Variants in CD276 observed in about 807,000 individuals in gnomAD.
The protein encoded by CD276 is CD276 antigen.
In CD276, 34 loss-of-function variants were observed where a neutral mutation model predicts 50.0. The ratio of observed to expected loss-of-function variants is 0.68; its 90% CI spans 0.52 to 0.91. The LOEUF (loss-of-function observed/expected upper bound fraction) is 0.91, where lower values mean the gene tolerates loss of function less well. Among genes scored for constraint, CD276 ranks in the 40% least tolerant of loss-of-function variants. CD276 has a pLI of 0.00. For missense variants in CD276, 634 were observed against 717.5 expected (o/e 0.88, Z 1.33); for synonymous variants, 275 against 313.0 (o/e 0.88, Z 1.28).
In CD276 at chr15:73,713,805, C is replaced by G. The variant is rs769617314; in HGVS notation, c.*849C>G. The G allele has an allele frequency of 1.3e-4, 56 of 442,124 alleles. No homozygotes were observed. The highest frequency in any genetic ancestry group is 1.2e-4 in the Non-Finnish European group (27 of 221,420). The allele number at this position is 442,124 out of a possible 1,614,324, so 27.4% of individuals were successfully genotyped here. A position where few individuals can be genotyped will look rare whatever the true frequency, so the allele number is the denominator to read the frequency against. On this transcript the variant is annotated 3_prime_UTR_variant, in exon 10 of 10. Coordinates refer to ENST00000318443, the MANE Select transcript of CD276 (RefSeq NM_001024736.2). ...GTCAGCTTCTGTCCCTCTGCCTTCT[C>G]ACCTCTTTGTTCCTTTCTTTTCATG...
intron 7 of CD276, among the ~76,000 whole-genome samples, chr15:73,709,255 G>A (rs527471064): frequency 2.0e-4 from 31 of 152,240 alleles, no homozygotes; most frequent in African/African-American, 7.5e-4. Context: ...ATGGTCTTTG[G>A]CTGGGTGTGT....
intron 1 of CD276, among the ~76,000 whole-genome samples, chr15:73,688,411 C>G (rs1596001275): frequency 1.3e-5 from 2 of 152,076 alleles, no homozygotes; most frequent in African/African-American, 4.8e-5. Context: ...GATTGTTACC[C>G]CCATTTTAGA....
chr15:73,690,679 T>C (rs1023585804), intron 1 of CD276: 7 of 455,880 alleles, frequency 1.5e-5, no homozygotes, highest in Non-Finnish European at 3.1e-5. Flanking sequence ...AGGCCCCACC[T>C]CTTAATACTG....
At position 73,713,702 on chromosome 15, in the gene CD276, C is replaced by T. The variant is rs2141442129; in HGVS notation, c.*746C>T. The T allele has an allele frequency of 4.7e-6, 2 of 424,338 alleles. No homozygotes were observed. The highest frequency in any genetic ancestry group is 1.8e-4 in the East Asian group (2 of 11,102). 26.3% of individuals were successfully genotyped at this position (424,338 alleles called of 1,614,324 possible). ...GCCCAGCCTCCTCTGCAGTGCCCCT[C>T]TCCCCTGCCCATCCTCCCCACGGAA... On this transcript the variant is annotated 3_prime_UTR_variant, in exon 10 of 10. Transcript: ENST00000318443.
chr15:73,705,650 G>A (rs1286231071), intron 6 of CD276, among the ~76,000 whole-genome samples: 1 of 152,100 alleles, frequency 6.6e-6, no homozygotes, highest in East Asian at 1.9e-4. Context: ...ATATGGTTTG[G>A]TGGTGAAAAT....
intron 6 of CD276, among the ~76,000 whole-genome samples, chr15:73,705,673 C>A (rs11574485): frequency 0.19 from 28,654 of 151,692 alleles, 3,958 homozygotes; most frequent in African/African-American, 0.39. Context: ...TGTTCACAGG[C>A]GAAAAGAAGA....
At chr15:73,695,380 G>A (rs550359259) in intron 1 of CD276, among the ~76,000 whole-genome samples, 137 of 152,202 alleles carry the variant, frequency 9.0e-4, no homozygotes, top group African/African-American at 2.6e-3. Context: ...TTCCCAGCGC[G>A]GCTACCTGGG....
Position 73,703,959 on chromosome 15 carries a change from G to A in CD276, c.1034G>A (p.Arg345Gln), listed in dbSNP as rs943925889. ...AGCTTCACCTGCTTCGTGAGCATCC[G>A]GGATTTCGGCAGCGCTGCCGTCAGC... Reference protein sequence around the residue: ...EGSFTCFVSIRDFGSAAVSLQ... With the variant: ...EGSFTCFVSIQDFGSAAVSLQ... Residue 345 changes from arginine to glutamine, a missense_variant, in exon 5 of 10, where the codon CGG becomes CAG. Arg to Gln is a conservative substitution (Grantham distance 43). Transcript: ENST00000318443. 4.3e-6 allele frequency: 7 copies of A among 1,612,080 alleles called. No homozygotes were observed. The highest frequency in any genetic ancestry group is 5.1e-6 in the Non-Finnish European group (6 of 1,179,812).
At chr15:73,686,380 C>G in intron 1 of CD276, 1 of 756,146 alleles carries the variant, frequency 1.3e-6, no homozygotes, top group Non-Finnish European at 1.6e-6. Flanking sequence ...CCTTCCTGTC[C>G]CCTCTTCAGC....
intron 1 of CD276, among the ~76,000 whole-genome samples, chr15:73,693,087 C>A (rs1228619213): frequency 1.3e-5 from 2 of 152,208 alleles, no homozygotes; most frequent in Admixed American, 6.5e-5. Flanking sequence ...GGTAGGAACA[C>A]TCCTAACCCC....
chr15:73,700,873 G>C (rs1222074660), intron 2 of CD276, among the ~76,000 whole-genome samples: 1 of 5,560 alleles, frequency 1.8e-4, no homozygotes, highest in Non-Finnish European at 5.0e-4. Flanking sequence ...CAGGGTGGGG[G>C]GGTTCGCTTC....
intron 1 of CD276, among the ~76,000 whole-genome samples, chr15:73,694,450 GGT>G (rs138205113): frequency 0.022 from 3,368 of 152,258 alleles, 137 homozygotes; most frequent in African/African-American, 0.077. Context: ...GGAAAGTAAG[GGT>G]GGGATGGCTC....
At chr15:73,685,021 C>T in intron 1 of CD276, 1 of 152,436 alleles carries the variant, frequency 6.6e-6, no homozygotes, top group Non-Finnish European at 1.5e-5. Flanking sequence ...AAGGTGTGGG[C>T]GACTGGTGCA....
chr15:73,683,989 T>C (rs1433517748), upstream of CD276: 1 of 152,194 alleles, frequency 6.6e-6, no homozygotes, highest in African/African-American at 2.4e-5. Context: ...GGTGCCAGCA[T>C]GGTGTGGAGG....
In CD276 at chr15:73,708,338, G is replaced by C. The variant is rs774121373; in HGVS notation, c.1370-1G>C. 153 of 1,613,738 alleles carry C rather than the reference G, an allele frequency of 9.5e-5. No individual in the cohort carries two copies. Among genetic ancestry groups the C allele is most frequent in the Non-Finnish European group, 1.3e-4 (150 of 1,179,926 alleles). On this transcript the variant is annotated splice_acceptor_variant, in intron 6 of 9. Coordinates refer to ENST00000318443, the MANE Select transcript of CD276 (RefSeq NM_001024736.2). LOFTEE classifies it high-confidence loss of function. ...CTCACTGTTGCTACTTTTCCTCTCAGGGCAGCCTATGACATTCCCCCCAGA... is the reference window on the plus strand; with the variant it reads ...CTCACTGTTGCTACTTTTCCTCTCACGGCAGCCTATGACATTCCCCCCAGA...
intron 2 of CD276, among the ~76,000 whole-genome samples, chr15:73,700,507 T>C (rs1324291711): frequency 2.6e-5 from 4 of 152,278 alleles, no homozygotes; most frequent in African/African-American, 9.6e-5. Context: ...GAAAGGGTTT[T>C]GTCTGGGTGA....
rs3825859 is a variant in CD276, at chr15:73,709,665, G to T, written c.1522G>T (p.Gly508Trp). The change falls in exon 8 of 10, where the codon GGG becomes TGG. Residue 508 changes from glycine to tryptophan, a missense_variant. Gly to Trp is a radical substitution (Grantham distance 184). Coordinates refer to ENST00000318443, the MANE Select transcript of CD276 (RefSeq NM_001024736.2). ...CTTTGCAGGAGCTGAGGACCAGGATGGGGAGGGAGAAGGCTCCAAGACAGG... is the reference window on the plus strand; with the variant it reads ...CTTTGCAGGAGCTGAGGACCAGGATTGGGAGGGAGAAGGCTCCAAGACAGG... Reference protein sequence around the residue: ...EENAGAEDQDGEGEGSKTALQ... With the variant: ...EENAGAEDQDWEGEGSKTALQ... The T allele has an allele frequency of 1.2e-6, 2 of 1,611,608 alleles. No homozygotes were observed. Among genetic ancestry groups the T allele is most frequent in the Admixed American group, 3.4e-5 (2 of 59,566 alleles).
rs141658038 is a variant in CD276 at position 73,704,220 on chromosome 15, C to T, written c.1117C>T (p.Leu373=). 2 of 1,613,994 alleles carry T rather than the reference C, an allele frequency of 1.2e-6. No individual in the cohort carries two copies. Among genetic ancestry groups the T allele is most frequent in the Non-Finnish European group, 1.7e-6 (2 of 1,180,018 alleles). ...PSMTLEPNKD[L]RPGDTVTITC... ...CATGACCCTGGAGCCCAACAAGGAC[C>T]TGCGGCCAGGGGACACGGTGACCAT... is the stretch of plus-strand genomic sequence containing the variant. Residue 373 remains leucine, a synonymous_variant, in exon 6 of 10, where the codon CTG becomes TTG. Coordinates refer to ENST00000318443, the MANE Select transcript of CD276 (RefSeq NM_001024736.2). This position sits in a 1 kb window ranked among gnomAD's most constrained non-coding sequence, Gnocchi z 4.1.
At chr15:73,702,226 T>G in intron 2 of CD276, 29 bp from the exon 3 acceptor site, 17 of 1,537,470 alleles carry the variant, frequency 1.1e-5, no homozygotes, top group Non-Finnish European at 1.4e-5. Flanking sequence ...CAGTCCCCCT[T>G]ATATGTTCTC....
Sources: gnomAD v4.1 joint callset for allele counts (sites outside exome capture counted in the v4.1 genomes callset) on GRCh38, gnomAD v4.1.1 for gene constraint, Gnocchi (gnomAD v3.1) non-coding constraint, MANE v1.5 for transcripts, NCBI Gene and HGNC (gene_info 2026-07-23, HGNC 2026-07-21) for gene names.